INPP5B: variants seen among roughly 807,000 people sequenced by gnomAD.
INPP5B encodes inositol polyphosphate-5-phosphatase B.
In INPP5B, 90 loss-of-function variants were observed where a neutral mutation model predicts 118.5. That is an observed-to-expected ratio of 0.76 (90% CI 0.64 to 0.90). The LOEUF (loss-of-function observed/expected upper bound fraction) is 0.90, where lower values mean the gene tolerates loss of function less well. Among genes scored for constraint, INPP5B ranks in the 40% least tolerant of loss-of-function variants. The pLI, the probability that INPP5B is intolerant of heterozygous loss-of-function variation, is 0.00. For missense variants in INPP5B, 984 were observed against 1,125.6 expected (o/e 0.87, Z 1.80); for synonymous variants, 385 against 418.9 (o/e 0.92, Z 0.99).
chr1:37,887,494 T>C (rs761472150), intron 10 of INPP5B, 29 bp from the exon 11 acceptor site: 1 of 1,286,214 alleles, frequency 7.8e-7, no homozygotes, highest in South Asian at 1.2e-5. Context: ...AGTTAGATAG[T>C]AAAGAAAAGT....
At chr1:37,914,775 T>C (rs1051309232) in intron 7 of INPP5B, among the ~76,000 whole-genome samples, 1 of 152,190 alleles carries the variant, frequency 6.6e-6, no homozygotes. Context: ...GGTTTAATTG[T>C]TCTTATCTGT....
At chr1:37,917,771 A>AAAATAAAT (rs951386213) in intron 7 of INPP5B, among the ~76,000 whole-genome samples, 3 of 152,150 alleles carry the variant, frequency 2.0e-5, no homozygotes, top group Non-Finnish European at 2.9e-5. Flanking sequence ...CCATCTCTTA[A>AAAATAAAT]AAATAAATAA....
At chr1:37,918,997 T>G (rs957486851) in intron 7 of INPP5B, among the ~76,000 whole-genome samples, 4 of 152,210 alleles carry the variant, frequency 2.6e-5, no homozygotes, top group African/African-American at 9.7e-5. Context: ...CTAGAGCAGA[T>G]AGCAGACATG....
chr1:37,880,220 A>C, intron 14 of INPP5B, 26 bp from the exon 15 acceptor site: 1 of 1,554,982 alleles, frequency 6.4e-7, no homozygotes, highest in Non-Finnish European at 8.8e-7. Context: ...GGAGAAAAAA[A>C]AATATCAGAA....
At chr1:37,911,663 ACT>A (rs1644703706) in intron 7 of INPP5B, among the ~76,000 whole-genome samples, 1 of 151,934 alleles carries the variant, frequency 6.6e-6, no homozygotes. Flanking sequence ...ATTTATACTG[ACT>A]CTAAATATGC....
At chr1:37,915,052 G>A (rs2148613733) in intron 7 of INPP5B, among the ~76,000 whole-genome samples, 1 of 152,314 alleles carries the variant, frequency 6.6e-6, no homozygotes, top group East Asian at 1.9e-4. Context: ...TGATTGCGAT[G>A]TGTAAAAGTG....
At chr1:37,870,722 T>A (rs1252345661) in intron 19 of INPP5B, 2 of 152,338 alleles carry the variant, frequency 1.3e-5, no homozygotes, top group South Asian at 4.1e-4. Context: ...TCTCCAGAAC[T>A]GTAAGAAATA....
At chr1:37,939,451 GTT>G (rs372636025) in intron 6 of INPP5B, among the ~76,000 whole-genome samples, 1 of 142,152 alleles carries the variant, frequency 7.0e-6, no homozygotes, top group Admixed American at 7.1e-5. Context: ...TTTTGTTTTT[GTT>G]TTTTTTTTTT....
At chr1:37,944,667 A>G (rs1352888831) in intron 3 of INPP5B, among the ~76,000 whole-genome samples, 3 of 151,356 alleles carry the variant, frequency 2.0e-5, no homozygotes, top group African/African-American at 7.3e-5. Flanking sequence ...CTGTAATCTC[A>G]AACTCCTCGG....
chr1:37,900,791 G>C (rs1644303399), intron 7 of INPP5B, among the ~76,000 whole-genome samples: 1 of 150,654 alleles, frequency 6.6e-6, no homozygotes, highest in African/African-American at 2.4e-5. Flanking sequence ...ACCACACCCA[G>C]CTAATTTTTG....
In INPP5B at chr1:37,940,736, C is replaced by T. The variant is rs1198958978; in HGVS notation, c.343G>A (p.Gly115Ser). 6.2e-7 allele frequency: 1 copy of T among 1,614,040 alleles called. No individual in the cohort carries two copies. The highest frequency in any genetic ancestry group is 1.1e-5 in the South Asian group (1 of 91,076). ...TGGAGGAACATCCTGGTTTGTGAACCAAAGGGCAGTTGGAATACGAGGCTA... is the reference window on the plus strand; with the variant it reads ...TGGAGGAACATCCTGGTTTGTGAACTAAAGGGCAGTTGGAATACGAGGCTA... The part of the protein sequence containing the change: ...ELSLVFQLPF[G>S]SQTRMFLHEV... The change falls in exon 6 of 24, where the codon GGT becomes AGT. Residue 115 changes from glycine to serine, a missense_variant. Gly to Ser is a moderately conservative substitution (Grantham distance 56). Around this residue, in one of 2 missense-constraint regions of INPP5B, gnomAD observed 350 missense variants for 334.6 expected, o/e 1.05. Transcript: ENST00000373024.
At chr1:37,862,459 A>G in intron 23 of INPP5B, 29 bp from the exon 24 acceptor site, 1 of 1,421,140 alleles carries the variant, frequency 7.0e-7, no homozygotes, top group Non-Finnish European at 9.9e-7. Flanking sequence ...AAAAGAAATG[A>G]TTCAGCAAAA....
chr1:37,931,337 C>A, intron 7 of INPP5B: 1 of 1,018,352 alleles, frequency 9.8e-7, no homozygotes, highest in Non-Finnish European at 1.3e-6. Flanking sequence ...CTCGGAAGAT[C>A]AGGATTGAAG....
intron 14 of INPP5B, 140 bp downstream of exon 14, chr1:37,882,667 G>A (rs1400831551): frequency 3.2e-6 from 2 of 632,934 alleles, no homozygotes; most frequent in East Asian, 5.5e-5. Flanking sequence ...ATGAAATGAA[G>A]AAATGACTGG....
At chr1:37,886,307 C>A (rs1171866960) in intron 12 of INPP5B, among the ~76,000 whole-genome samples, 1 of 151,650 alleles carries the variant, frequency 6.6e-6, no homozygotes, top group Admixed American at 6.6e-5. Flanking sequence ...ACTAGCCAGT[C>A]AATGGCAAAG....
chr1:37,890,078 A>G (rs979110708), intron 8 of INPP5B, among the ~76,000 whole-genome samples: 4 of 152,190 alleles, frequency 2.6e-5, no homozygotes, highest in Non-Finnish European at 5.9e-5. Context: ...ATGGGATTCA[A>G]TCATGTAATT....
At chr1:37,902,448 G>A (rs986459995) in intron 7 of INPP5B, among the ~76,000 whole-genome samples, 5 of 152,160 alleles carry the variant, frequency 3.3e-5, no homozygotes, top group Non-Finnish European at 5.9e-5. Flanking sequence ...ACACAAATCT[G>A]GGTGGGCACA....
chr1:37,897,648 G>A (rs1304038845), intron 7 of INPP5B, among the ~76,000 whole-genome samples: 6 of 151,352 alleles, frequency 4.0e-5, no homozygotes, highest in African/African-American at 1.5e-4. Context: ...TTGTTCACTT[G>A]TTTATCTGCT....
chr1:37,872,397 G>T (rs1445898839), intron 19 of INPP5B, among the ~76,000 whole-genome samples: 1 of 149,490 alleles, frequency 6.7e-6, no homozygotes, highest in African/African-American at 2.5e-5. Context: ...AAGAAGTGGA[G>T]TCTTTCTCCA....
Sources: gnomAD v4.1 joint callset for allele counts (sites outside exome capture counted in the v4.1 genomes callset) on GRCh38, gnomAD v4.1.1 for gene constraint, gnomAD v4.1.1 regional missense constraint, MANE v1.5 for transcripts, NCBI Gene and HGNC (gene_info 2026-07-23, HGNC 2026-07-21) for gene names.